Variants in POT1 observed in about 807,000 individuals in gnomAD.
The protein encoded by POT1 is protection of telomeres protein 1.
A neutral mutation model predicts 78.5 loss-of-function variants in POT1; 47 were observed. That is an observed-to-expected ratio of 0.60 (90% CI 0.47 to 0.76). The LOEUF (loss-of-function observed/expected upper bound fraction) is 0.76, where lower values mean the gene tolerates loss of function less well. Among genes scored for constraint, POT1 ranks in the 30% least tolerant of loss-of-function variants. POT1 has a pLI of 0.00. For missense variants in POT1, 646 were observed against 749.9 expected, an observed-to-expected ratio of 0.86 and a Z score of 1.62; for synonymous variants, 259 against 260.7, an observed-to-expected ratio of 0.99 and a Z score of 0.06.
At chr7:124,835,836 T>C (rs1000961028) in intron 14 of POT1, among the ~76,000 whole-genome samples, 6 of 152,218 alleles carry the variant, frequency 3.9e-5, no homozygotes, top group Admixed American at 2.6e-4. Flanking sequence ...CATTTAAATA[T>C]AGATATGAGT....
At chr7:124,877,992 G>A (rs1401717170) in intron 6 of POT1, among the ~76,000 whole-genome samples, 3 of 151,674 alleles carry the variant, frequency 2.0e-5, no homozygotes, top group Non-Finnish European at 4.4e-5. Context: ...ACTTACAGAA[G>A]TAGAAAGTGA....
At chr7:124,843,865 A>G (rs1795091868) in intron 12 of POT1, among the ~76,000 whole-genome samples, 1 of 152,178 alleles carries the variant, frequency 6.6e-6, no homozygotes, top group Admixed American at 6.5e-5. Flanking sequence ...GTTTTCCTTC[A>G]AGGAGCAAAT....
chr7:124,916,532 T>A (rs116537077), intron 2 of POT1, among the ~76,000 whole-genome samples: 2,594 of 152,246 alleles, frequency 0.017, 72 homozygotes, highest in African/African-American at 0.059. Flanking sequence ...TCATTACTTC[T>A]AATGAGAATA....
chr7:124,884,314 T>C (rs1796192595), intron 6 of POT1, among the ~76,000 whole-genome samples: 1 of 152,126 alleles, frequency 6.6e-6, no homozygotes, highest in African/African-American at 2.4e-5. Context: ...ACAGAGGCTC[T>C]CAGAATCCAG....
In POT1 at chr7:124,827,265, G is replaced by A. The variant is rs1211488720; in HGVS notation, c.1635C>T (p.Thr545=). The A allele has an allele frequency of 1.2e-6, 2 of 1,600,816 alleles. No homozygotes were observed. The highest frequency in any genetic ancestry group is 3.4e-5 in the Admixed American group (2 of 59,684). The change falls in exon 17 of 19, where the codon ACC becomes ACT. Residue 545 remains threonine, a synonymous_variant. Transcript: ENST00000357628. ...CTCCTGTTCCATCATCAAGTGTAAA[G>A]GTCATAACAAACACATATTGGAGGG... is the stretch of plus-strand genomic sequence containing the variant. The part of the protein sequence containing the change: ...IVPLQYVFVM[T]FTLDDGTGVL...
At position 124,841,157 on chromosome 7, in the gene POT1, G is replaced by C. The variant is rs538385307; in HGVS notation, c.1185C>G (p.Gly395=). Residue 395 remains glycine, a synonymous_variant, in exon 14 of 19, where the codon GGC becomes GGG. Transcript: ENST00000357628. Reference sequence around the variant, plus strand: ...CATCCTGAAAAATTATATCCAAATCGCCCTCATGTGGAACTTCTTGCCTAA... The same window carrying C: ...CATCCTGAAAAATTATATCCAAATCCCCCTCATGTGGAACTTCTTGCCTAA... ...CHLLQEVPHE[G]DLDIIFQDGA... is the part of the protein sequence containing the mutation. 1.2e-6 allele frequency: 2 copies of C among 1,611,678 alleles called. No homozygotes were observed. Among genetic ancestry groups the C allele is most frequent in the Non-Finnish European group, 1.7e-6 (2 of 1,178,730 alleles).
chr7:124,876,112 GTTT>G (rs1795984249), intron 6 of POT1, among the ~76,000 whole-genome samples: 1 of 152,110 alleles, frequency 6.6e-6, no homozygotes, highest in African/African-American at 2.4e-5. Context: ...AGTCGACAAA[GTTT>G]TCAAAAGTAT....
At chr7:124,885,212 T>C (rs781059172) in intron 6 of POT1, among the ~76,000 whole-genome samples, 3 of 145,008 alleles carry the variant, frequency 2.1e-5, no homozygotes, top group Non-Finnish European at 3.0e-5. Context: ...TCCCAGCACT[T>C]TGGGAGGCTG....
chr7:124,927,069 C>A (rs1481341), intron 2 of POT1, among the ~76,000 whole-genome samples: 94 of 151,998 alleles, frequency 6.2e-4, no homozygotes, highest in Non-Finnish European at 1.1e-3. Flanking sequence ...GTTTCCCACA[C>A]CTATTTACAA....
intron 7 of POT1, among the ~76,000 whole-genome samples, chr7:124,869,687 A>G (rs1326636372): frequency 2.0e-5 from 3 of 152,088 alleles, no homozygotes; most frequent in African/African-American, 7.2e-5. Flanking sequence ...GGTTCAAGCG[A>G]TTCTCCTGCC....
chr7:124,879,418 C>G (rs7789859), intron 6 of POT1, among the ~76,000 whole-genome samples: 91,359 of 151,914 alleles, frequency 0.6, 27,600 homozygotes, highest in African/African-American at 0.65. Context: ...AGAAAATCTG[C>G]CTGTCTGTGC....
intron 6 of POT1, among the ~76,000 whole-genome samples, chr7:124,883,203 G>T (rs1353038481): frequency 5.3e-5 from 8 of 151,974 alleles, no homozygotes; most frequent in Admixed American, 3.9e-4. Context: ...TCCATTCATT[G>T]TAACAGGTAA....
intron 14 of POT1, among the ~76,000 whole-genome samples, chr7:124,836,475 T>C (rs1794903510): frequency 1.3e-5 from 2 of 152,230 alleles, no homozygotes; most frequent in South Asian, 4.1e-4. Context: ...GCCCAAAAGT[T>C]AGTCTATCTT....
At chr7:124,928,375 C>A (rs577322608) in intron 2 of POT1, among the ~76,000 whole-genome samples, 1 of 152,320 alleles carries the variant, frequency 6.6e-6, no homozygotes, top group African/African-American at 2.4e-5. Context: ...TCAACATGCA[C>A]ATAAGGACTG....
At chr7:124,859,174 T>G in intron 8 of POT1, 62 bp from the exon 9 acceptor site, 1 of 1,324,422 alleles carries the variant, frequency 7.6e-7, no homozygotes, top group Non-Finnish European at 1.0e-6. Flanking sequence ...GCTAAAAAGT[T>G]TTTTCCTGGA....
chr7:124,841,547 C>T (rs1795028972), intron 13 of POT1, among the ~76,000 whole-genome samples: 1 of 151,822 alleles, frequency 6.6e-6, no homozygotes, highest in African/African-American at 2.4e-5. Flanking sequence ...CCCGTCTTCA[C>T]TCCAGTTAAA....
At chr7:124,926,306 TAAAC>T (rs948164315) in intron 2 of POT1, among the ~76,000 whole-genome samples, 2 of 152,014 alleles carry the variant, frequency 1.3e-5, no homozygotes, top group East Asian at 1.9e-4. Context: ...CAGAAGAAGA[TAAAC>T]AAATAGCCAA....
chr7:124,923,302 T>C (rs1341770640), intron 2 of POT1, among the ~76,000 whole-genome samples: 1 of 151,652 alleles, frequency 6.6e-6, no homozygotes, highest in Admixed American at 6.6e-5. Context: ...AATGAGAGAT[T>C]TACCAATGAG....
Position 124,851,940 on chromosome 7 carries a change from G to T in POT1, c.881C>A (p.Ser294Tyr). ...DVDQLKKDLE[S>Y]ANLTANQHSD... ...ATGCTGATTGGCTGTCAAATTTGCA[G>T]ATTCTAAATCCCTATAATTGAAAGA... The change falls in exon 11 of 19, where the codon TCT (serine) becomes TAT (tyrosine). Residue 294 changes from serine to tyrosine, a missense_variant. Around this residue, in one of 2 missense-constraint regions of POT1, gnomAD observed 394 missense variants for 408.4 expected, o/e 0.96. Coordinates refer to ENST00000357628, the MANE Select transcript of POT1 (RefSeq NM_015450.3). 6.2e-7 allele frequency: 1 copy of T among 1,606,344 alleles called. No individual in the cohort carries two copies. Among genetic ancestry groups the T allele is most frequent in the Non-Finnish European group, 8.5e-7 (1 of 1,173,384 alleles).
Sources: gnomAD v4.1 joint callset for allele counts (sites outside exome capture counted in the v4.1 genomes callset) on GRCh38, gnomAD v4.1.1 for gene constraint, gnomAD v4.1.1 regional missense constraint, MANE v1.5 for transcripts, NCBI Gene and HGNC (gene_info 2026-07-23, HGNC 2026-07-21) for gene names.